The following UXS1 variants were observed in gnomAD, a reference collection of about 807,000 sequenced individuals.
UXS1 encodes UDP-glucuronate decarboxylase 1.
Under a neutral mutation model 62.6 loss-of-function variants are expected in UXS1, and 33 were observed. The observed-to-expected ratio is 0.53, with a 90% CI of 0.40 to 0.70. UXS1 has a LOEUF of 0.70. UXS1 is among the 30% of genes least tolerant of loss of function. UXS1 has a pLI of 0.00. For missense variants in UXS1, 434 were observed against 556.3 expected, an observed-to-expected ratio of 0.78 and a Z score of 2.21; for synonymous variants, 213 against 206.8, an observed-to-expected ratio of 1.03 and a Z score of -0.26.
At chr2:106,137,993 C>T (rs1680799762) in intron 6 of UXS1, among the ~76,000 whole-genome samples, 1 of 152,054 alleles carries the variant, frequency 6.6e-6, no homozygotes, top group African/African-American at 2.4e-5. Flanking sequence ...AGAGTATAAA[C>T]AACTCTGTAT....
chr2:106,108,654 G>A (rs1226981505), intron 10 of UXS1, among the ~76,000 whole-genome samples: 1 of 152,166 alleles, frequency 6.6e-6, no homozygotes, highest in Non-Finnish European at 1.5e-5. Context: ...GGCTGCTACT[G>A]GGGGCCGGGG....
chr2:106,192,070 T>TA (rs955246424), intron 1 of UXS1, among the ~76,000 whole-genome samples: 22 of 152,080 alleles, frequency 1.4e-4, no homozygotes, highest in African/African-American at 2.7e-4. Context: ...CTGTGTTTTT[T>TA]AAAAAAAACC....
At chr2:106,191,470 C>T (rs1684932054) in intron 1 of UXS1, among the ~76,000 whole-genome samples, 2 of 152,216 alleles carry the variant, frequency 1.3e-5, no homozygotes, top group Admixed American at 1.3e-4. Context: ...TTTTTCCCTG[C>T]AGAGTGGCTC....
chr2:106,098,618 A>G (rs1573388518), intron 13 of UXS1, 98 bp downstream of exon 13: 2 of 978,516 alleles, frequency 2.0e-6, no homozygotes, highest in East Asian at 5.2e-5. Flanking sequence ...ATCCAATTCA[A>G]TTAGCTTGTA....
At chr2:106,162,064 C>T (rs989428738) in intron 4 of UXS1, among the ~76,000 whole-genome samples, 2 of 152,070 alleles carry the variant, frequency 1.3e-5, no homozygotes, top group African/African-American at 2.4e-5. Context: ...CAATTTCCAC[C>T]GTCACGCTTT....
intron 6 of UXS1, chr2:106,138,990 G>A: frequency 4.0e-6 from 2 of 505,036 alleles, no homozygotes; most frequent in Non-Finnish European, 5.1e-6. Context: ...GCAATGAGAG[G>A]TGCTAGGTAA....
At chr2:106,126,232 G>A (rs941570697) in intron 7 of UXS1, among the ~76,000 whole-genome samples, 1 of 152,142 alleles carries the variant, frequency 6.6e-6, no homozygotes, top group African/African-American at 2.4e-5. Flanking sequence ...TTCCTGGACT[G>A]ACCACTCACA....
At chr2:106,183,593 C>T (rs947501270) in intron 1 of UXS1, 1 of 152,208 alleles carries the variant, frequency 6.6e-6, no homozygotes, top group African/African-American at 2.4e-5. Context: ...TGAGGAAACC[C>T]TCAGCCCCCC....
At position 106,145,051 on chromosome 2, in the gene UXS1, C is replaced by T. The variant is rs1681453360; in HGVS notation, c.472+139G>A. ...ACACAGACTAGGACGGCACCTCATA[C>T]ATATTGAGACATTTCAAAAATAAAA... On this transcript the variant is annotated intron_variant, in intron 6 of 14. Transcript: ENST00000283148. 3.3e-6 allele frequency: 3 copies of T among 922,508 alleles called. No homozygotes were observed. In the Admixed American group the frequency reaches 8.4e-5, roughly 26 times the overall value. 57.1% of individuals were successfully genotyped at this position (922,508 alleles called of 1,614,324 possible).
intron 14 of UXS1, among the ~76,000 whole-genome samples, chr2:106,094,539 A>G (rs1322770718): frequency 6.6e-6 from 1 of 152,186 alleles, no homozygotes; most frequent in Non-Finnish European, 1.5e-5. Context: ...GAAGAAATCC[A>G]CCTTGGAGTG....
Position 106,104,846 on chromosome 2 carries a change from A to C in UXS1, c.880-9T>G. 6.2e-7 allele frequency: 1 copy of C among 1,613,970 alleles called. No individual in the cohort carries two copies. The highest frequency in any genetic ancestry group is 8.5e-7 in the Non-Finnish European group (1 of 1,179,868). On this transcript the variant is annotated splice_polypyrimidine_tract_variant and intron_variant, in intron 10 of 14. Transcript: ENST00000283148. ...GACCCGGATCCGTATACCTGGAAGGAAACCAACAGTTAGGCCTCCTGATAA... is the reference window on the plus strand; with the variant it reads ...GACCCGGATCCGTATACCTGGAAGGCAACCAACAGTTAGGCCTCCTGATAA...
chr2:106,138,236 G>A (rs3795907), intron 6 of UXS1: 76,325 of 985,330 alleles, frequency 0.077, 3,804 homozygotes, highest in East Asian at 0.35. Flanking sequence ...CAATCCAGAC[G>A]TCAGTCTGTA....
At chr2:106,144,692 G>GA (rs1237419602) in intron 6 of UXS1, among the ~76,000 whole-genome samples, 2 of 152,166 alleles carry the variant, frequency 1.3e-5, no homozygotes, top group Non-Finnish European at 2.9e-5. Flanking sequence ...TGCTGGTGAG[G>GA]ACCTGCTTCC....
chr2:106,175,446 C>G (rs1423687905), intron 1 of UXS1, among the ~76,000 whole-genome samples: 8 of 152,194 alleles, frequency 5.3e-5, no homozygotes, highest in Admixed American at 5.2e-4. Flanking sequence ...AAAACCTATC[C>G]AAAAATTATC....
At chr2:106,182,454 A>G (rs1684305754) in intron 1 of UXS1, among the ~76,000 whole-genome samples, 1 of 152,202 alleles carries the variant, frequency 6.6e-6, no homozygotes, top group African/African-American at 2.4e-5. Context: ...TTCCACATTG[A>G]GCACCTTGTT....
intron 12 of UXS1, among the ~76,000 whole-genome samples, chr2:106,100,600 G>A (rs936842931): frequency 1.3e-5 from 2 of 152,250 alleles, no homozygotes; most frequent in African/African-American, 4.8e-5. Flanking sequence ...TTCTGGGGCT[G>A]TGGGCAGGCA....
Position 106,093,999 on chromosome 2 carries a change from T to G in UXS1, c.*27A>C. On this transcript the variant is annotated 3_prime_UTR_variant, in exon 15 of 15. Coordinates refer to ENST00000283148, the MANE Select transcript of UXS1 (RefSeq NM_001253875.2). The stretch of plus-strand genomic sequence containing the variant: ...ATACATCCCATCAAGTGTACAATGG[T>G]AGTCTTGTGTCCTAAAAGTGAGGAG... 1.3e-6 allele frequency: 2 copies of G among 1,587,146 alleles called. No homozygotes were observed. Among genetic ancestry groups the G allele is most frequent in the Non-Finnish European group, 1.7e-6 (2 of 1,171,350 alleles).
chr2:106,193,839 C>A (rs1685094452), intron 1 of UXS1, among the ~76,000 whole-genome samples: 1 of 151,974 alleles, frequency 6.6e-6, no homozygotes, highest in African/African-American at 2.4e-5. Flanking sequence ...GCGACATGGA[C>A]GACAGCGCCG....
At chr2:106,107,911 C>T (rs1446913215) in intron 10 of UXS1, among the ~76,000 whole-genome samples, 2 of 152,210 alleles carry the variant, frequency 1.3e-5, no homozygotes, top group African/African-American at 4.8e-5. Flanking sequence ...CCACCTGAGG[C>T]CCAACTGGGC....
Sources: gnomAD v4.1 joint callset for allele counts (sites outside exome capture counted in the v4.1 genomes callset) on GRCh38, gnomAD v4.1.1 for gene constraint, MANE v1.5 for transcripts, NCBI Gene and HGNC (gene_info 2026-07-23, HGNC 2026-07-21) for gene names.